MIS18A: variants seen among roughly 807,000 people sequenced by gnomAD.
MIS18A encodes the protein protein Mis18-alpha.
Under a neutral mutation model 25.0 loss-of-function variants are expected in MIS18A, and 14 were observed. The ratio of observed to expected loss-of-function variants is 0.56; its 90% CI spans 0.37 to 0.88. The LOEUF (loss-of-function observed/expected upper bound fraction) is 0.88, where lower values mean the gene tolerates loss of function less well. Ranked by LOEUF, MIS18A falls within the 40% of genes least tolerant of loss-of-function variation. The pLI is 0.00. For missense variants in MIS18A, 292 were observed against 290.8 expected (o/e 1.00, Z -0.03); for synonymous variants, 134 against 118.6 (o/e 1.13, Z -0.84).
At chr21:32,263,481 G>A (rs1223199685), downstream of MIS18A, among the ~76,000 whole-genome samples, 2 of 152,156 alleles carry the variant, frequency 1.3e-5, no homozygotes, top group Non-Finnish European at 2.9e-5. Context: ...CGCGCCTGTA[G>A]TCCCAGCTAC....
the MIS18A span, among the ~76,000 whole-genome samples, chr21:32,189,883 C>T: frequency 2.0e-5 from 3 of 152,200 alleles, no homozygotes; most frequent in Admixed American, 6.5e-5. Context: ...CTCTGGGATA[C>T]CTGGAGCAAC....
At chr21:32,223,650 C>CA in the MIS18A span, among the ~76,000 whole-genome samples, 2 of 151,998 alleles carry the variant, frequency 1.3e-5, no homozygotes, top group African/African-American at 2.4e-5. Flanking sequence ...GCTTACCAAC[C>CA]AAAAAAAGGC....
In MIS18A at chr21:32,277,071, T is replaced by C. The variant is rs547478208; in HGVS notation, c.334+1610A>G. 9.2e-5 allele frequency among the ~76,000 whole-genome samples: 14 copies of C among 152,318 alleles called. No individual in the cohort carries two copies. In the South Asian group the frequency reaches 1.2e-3, roughly 14 times the overall value. On this transcript the variant is annotated intron_variant, in intron 1 of 4. Coordinates refer to ENST00000290130, the MANE Select transcript of MIS18A (RefSeq NM_018944.3). ...CTTGACAAAATGAAAATAATTAAAC[T>C]AATTCAAATTGGGTAAGGAAGGAAT...
At chr21:32,209,694 T>A in the MIS18A span, among the ~76,000 whole-genome samples, 1 of 152,138 alleles carries the variant, frequency 6.6e-6, no homozygotes, top group Non-Finnish European at 1.5e-5. Context: ...GGTAATTGAA[T>A]CATGGGGGCG....
At chr21:32,248,233 C>T in the MIS18A span, among the ~76,000 whole-genome samples, 3 of 152,198 alleles carry the variant, frequency 2.0e-5, no homozygotes, top group African/African-American at 7.2e-5. Context: ...TTAGCCGTGA[C>T]ATTGACATGT....
At position 32,278,807 on chromosome 21, in the gene MIS18A, C is replaced by T; in HGVS notation, c.208G>A (p.Glu70Lys). The T allele has an allele frequency of 6.3e-7, 1 of 1,593,184 alleles. No homozygotes were observed. Among genetic ancestry groups the T allele is most frequent in the Non-Finnish European group, 8.5e-7 (1 of 1,172,540 alleles). Reference protein sequence around the residue: ...SVADMERAQLEEEAAAAEERP... With the variant: ...SVADMERAQLKEEAAAAEERP... ...TCCTCCGCAGCCGCCGCCTCCTCCT[C>T]CAGCTGCGCCCTCTCCATGTCGGCC... The change falls in exon 1 of 5, where the codon GAG (glutamate) becomes AAG (lysine). Residue 70 changes from glutamate (E) to lysine (K), a missense_variant. By Grantham distance (56) the Glu-to-Lys change is moderately conservative (BLOSUM62 1). Coordinates refer to ENST00000290130, the MANE Select transcript of MIS18A (RefSeq NM_018944.3).
chr21:32,192,202 G>A, the MIS18A span, among the ~76,000 whole-genome samples: 2 of 152,104 alleles, frequency 1.3e-5, no homozygotes, highest in African/African-American at 2.4e-5. Flanking sequence ...TGTTCCCATA[G>A]GCAGCCCCAG....
chr21:32,237,662 T>C, the MIS18A span, among the ~76,000 whole-genome samples: 7 of 151,998 alleles, frequency 4.6e-5, no homozygotes, highest in Non-Finnish European at 1.0e-4. Flanking sequence ...AAAATAAGAG[T>C]CTTTGAGGAC....
chr21:32,172,480 C>A, the MIS18A span, among the ~76,000 whole-genome samples: 1 of 152,024 alleles, frequency 6.6e-6, no homozygotes, highest in African/African-American at 2.4e-5. Flanking sequence ...ATCAAAACAT[C>A]ATGTTGTACA....
the MIS18A span, among the ~76,000 whole-genome samples, chr21:32,190,687 C>T: frequency 6.6e-6 from 1 of 152,202 alleles, no homozygotes; most frequent in African/African-American, 2.4e-5. Flanking sequence ...ACCGTGGGAT[C>T]TAACAACGGG....
chr21:32,257,150 G>A, the MIS18A span, among the ~76,000 whole-genome samples: 1 of 152,298 alleles, frequency 6.6e-6, no homozygotes, highest in African/African-American at 2.4e-5. Flanking sequence ...TTATGGCTTC[G>A]CTAAGGGGGA....
At chr21:32,260,148 AG>A in the MIS18A span, 2 of 143,730 alleles carry the variant, frequency 1.4e-5, no homozygotes, top group Admixed American at 1.4e-4. Flanking sequence ...AATTGCCTCC[AG>A]TGTACAAGGT....
chr21:32,177,227 C>T, the MIS18A span, among the ~76,000 whole-genome samples: 1 of 152,054 alleles, frequency 6.6e-6, no homozygotes, highest in Non-Finnish European at 1.5e-5. Flanking sequence ...TTAATAAATG[C>T]AGAAAAGCAT....
the MIS18A span, among the ~76,000 whole-genome samples, chr21:32,204,224 C>T: frequency 6.6e-6 from 1 of 152,148 alleles, no homozygotes; most frequent in Non-Finnish European, 1.5e-5. Flanking sequence ...GAAGGCCAGG[C>T]ACAGTGGCTC....
chr21:32,249,352 C>T, the MIS18A span, among the ~76,000 whole-genome samples: 1 of 152,204 alleles, frequency 6.6e-6, no homozygotes, highest in Non-Finnish European at 1.5e-5. Flanking sequence ...GTCTTCCACC[C>T]TCTAACAGGC....
the MIS18A span, among the ~76,000 whole-genome samples, chr21:32,245,119 T>G: frequency 6.6e-6 from 1 of 152,192 alleles, no homozygotes; most frequent in Non-Finnish European, 1.5e-5. Flanking sequence ...ATCATTGACT[T>G]ACTTGTGAAG....
chr21:32,250,966 C>T, the MIS18A span, among the ~76,000 whole-genome samples: 2 of 152,182 alleles, frequency 1.3e-5, no homozygotes, highest in Non-Finnish European at 2.9e-5. Context: ...TACCTCCATG[C>T]TATTCTCATA....
the MIS18A span, among the ~76,000 whole-genome samples, chr21:32,188,609 G>T: frequency 6.6e-6 from 1 of 152,206 alleles, no homozygotes; most frequent in African/African-American, 2.4e-5. Context: ...AGTGCTCAGG[G>T]CTGGGTCCTT....
At chr21:32,216,777 AG>A in the MIS18A span, among the ~76,000 whole-genome samples, 1 of 152,230 alleles carries the variant, frequency 6.6e-6, no homozygotes, top group Non-Finnish European at 1.5e-5. Flanking sequence ...TGAATGTTAA[AG>A]GTGGGCCCCC....
Sources: gnomAD v4.1 joint callset for allele counts (sites outside exome capture counted in the v4.1 genomes callset) on GRCh38, gnomAD v4.1.1 for gene constraint, MANE v1.5 for transcripts, NCBI Gene and HGNC (gene_info 2026-07-23, HGNC 2026-07-21) for gene names.